Variants in BLK observed in about 807,000 individuals in gnomAD.
The protein encoded by BLK is tyrosine-protein kinase Blk.
In BLK, 64 loss-of-function variants were observed where a neutral mutation model predicts 61.8. The ratio of observed to expected loss-of-function variants is 1.03; its 90% CI spans 0.85 to 1.27. BLK has a LOEUF of 1.27. BLK is among the 50% of genes most tolerant of loss of function. The pLI is 0.00. For missense variants in BLK, 853 were observed against 660.5 expected, an observed-to-expected ratio of 1.29 and a Z score of -3.19; for synonymous variants, 351 against 272.0, an observed-to-expected ratio of 1.29 and a Z score of -2.86.
At chr8:11,522,306 C>G (rs1323361376) in intron 1 of BLK, among the ~76,000 whole-genome samples, 3 of 152,088 alleles carry the variant, frequency 2.0e-5, no homozygotes, top group Admixed American at 2.0e-4. Flanking sequence ...CAAATTAAAA[C>G]AAAAAGATTT....
intron 5 of BLK, chr8:11,549,942 A>G: frequency 1.7e-6 from 1 of 594,368 alleles, no homozygotes; most frequent in Non-Finnish European, 3.0e-6. Context: ...CTAGGAAAAC[A>G]GTGAGTCCAG....
At chr8:11,525,686 T>C (rs1372822869) in intron 1 of BLK, among the ~76,000 whole-genome samples, 1 of 152,228 alleles carries the variant, frequency 6.6e-6, no homozygotes, top group Non-Finnish European at 1.5e-5. Flanking sequence ...AAAGTTCGCC[T>C]TCCCTGCCAC....
chr8:11,532,945 C>T lies in BLK; in HGVS notation c.-1-10279C>T, dbSNP rs1799950070. On this transcript the variant is annotated intron_variant, in intron 1 of 12. Transcript: ENST00000259089. Reference sequence around the variant, plus strand: ...TGACTTACTGTACCTTCAGCAAGACCTTAAGCCTCAAGGAGCCTGAGTTTC... The same window carrying T: ...TGACTTACTGTACCTTCAGCAAGACTTTAAGCCTCAAGGAGCCTGAGTTTC... Among the ~76,000 whole-genome samples, 6 of 152,342 alleles carry T rather than the reference C, an allele frequency of 3.9e-5. 1 individual carries two copies. The South Asian group carries it at 1.2e-3, about 32-fold the overall frequency.
intron 1 of BLK, among the ~76,000 whole-genome samples, 181 bp from the exon 2 acceptor site, chr8:11,543,043 T>A (rs569560715): frequency 3.3e-5 from 5 of 152,288 alleles, no homozygotes; most frequent in Non-Finnish European, 7.4e-5. Flanking sequence ...CGAAAAAAGA[T>A]GGACACCCAT....
chr8:11,495,669 G>A (rs775013487), intron 1 of BLK, among the ~76,000 whole-genome samples: 18 of 152,152 alleles, frequency 1.2e-4, no homozygotes, highest in African/African-American at 3.9e-4. Context: ...CAGGCAAAGC[G>A]TCACAGATCA....
intron 1 of BLK, among the ~76,000 whole-genome samples, chr8:11,506,850 G>T (rs1231156555): frequency 6.6e-6 from 1 of 152,196 alleles, no homozygotes; most frequent in Non-Finnish European, 1.5e-5. Flanking sequence ...CTCTCAGGGA[G>T]GCCACTTGAG....
At chr8:11,549,927 T>C (rs760190870) in intron 5 of BLK, 34 of 564,304 alleles carry the variant, frequency 6.0e-5, no homozygotes, top group Non-Finnish European at 1.0e-4. Context: ...TGTTCTTGTT[T>C]CGTTCTAGGA....
intron 3 of BLK, among the ~76,000 whole-genome samples, chr8:11,546,304 C>G (rs776814302): frequency 4.6e-5 from 7 of 152,138 alleles, no homozygotes; most frequent in South Asian, 2.1e-4. Context: ...TATGCCTGAG[C>G]CTGGGTGGGA....
At chr8:11,563,219 C>A in intron 12 of BLK, 109 bp downstream of exon 12, 2 of 1,507,180 alleles carry the variant, frequency 1.3e-6, no homozygotes, top group Non-Finnish European at 9.0e-7. Context: ...CAGAGTGAGT[C>A]CCAGAGCGAA....
At chr8:11,518,928 C>G (rs141471303) in intron 1 of BLK, among the ~76,000 whole-genome samples, 7 of 152,154 alleles carry the variant, frequency 4.6e-5, no homozygotes, top group African/African-American at 1.7e-4. Context: ...CTCCAGCATA[C>G]GTCGCACTTT....
At chr8:11,555,208 C>A in intron 7 of BLK, 124 bp from the exon 8 acceptor site, 1 of 1,308,488 alleles carries the variant, frequency 7.6e-7, no homozygotes, top group Non-Finnish European at 1.1e-6. Context: ...CAGGCGTGTG[C>A]ACACACCCAT....
rs140714954 is a variant in BLK at position 11,556,829 on chromosome 8, T to C, written c.944T>C (p.Met315Thr). The C allele has an allele frequency of 6.2e-7, 1 of 1,613,910 alleles. No homozygotes were observed. The highest frequency in any genetic ancestry group is 1.3e-5 in the African/African-American group (1 of 75,016). Residue 315 changes from methionine (M) to threonine (T), a missense_variant, in exon 9 of 13, where the codon ATG becomes ACG. Physicochemically the swap from Met to Thr is moderately conservative, Grantham distance 81. Coordinates refer to ENST00000259089, the MANE Select transcript of BLK (RefSeq NM_001715.3). ...KEPIYIVTEY[M>T]ARGCLLDFLK... The stretch of plus-strand genomic sequence containing the variant: ...CCCATCTACATTGTCACCGAGTACA[T>C]GGCCAGAGGTGGTGCCCCCCGCAGA...
In BLK at chr8:11,494,522, G is replaced by A. The variant is rs1288338381; in HGVS notation, c.-71G>A. ...GTTGGAAGTTGCTCGTTGTCGCTAG[G>A]AGCCTGCTCCACTGTAAGGGTGTCA... On this transcript the variant is annotated 5_prime_UTR_variant, in exon 1 of 13. Coordinates refer to ENST00000259089, the MANE Select transcript of BLK (RefSeq NM_001715.3). The A allele has an allele frequency of 6.6e-6, 1 of 152,230 alleles. No individual in the cohort carries two copies. The highest frequency in any genetic ancestry group is 1.5e-5 in the Non-Finnish European group (1 of 68,056). The allele number at this position is 152,230 out of a possible 1,614,324, so 9.4% of individuals were successfully genotyped here.
chr8:11,554,987 G>C (rs973597185), intron 7 of BLK, 98 bp downstream of exon 7: 4 of 1,518,478 alleles, frequency 2.6e-6, no homozygotes, highest in Non-Finnish European at 2.7e-6. Context: ...TGCCACCTTG[G>C]GGGATGGAAA....
At chr8:11,541,474 G>A (rs991760503) in intron 1 of BLK, among the ~76,000 whole-genome samples, 7 of 150,692 alleles carry the variant, frequency 4.6e-5, no homozygotes, top group African/African-American at 1.7e-4. Flanking sequence ...GTAGCCAGCC[G>A]CAATACAAAC....
Position 11,524,392 on chromosome 8 carries a change from T to C in BLK, c.-1-18832T>C, listed in dbSNP as rs1799568426. 1.3e-5 allele frequency among the ~76,000 whole-genome samples: 2 copies of C among 152,222 alleles called. 1 individual carries two copies. The highest frequency in any genetic ancestry group is 3.8e-4 in the East Asian group (2 of 5,206). ...CGTAGATGAGAATTTTCTAATTTTC[T>C]ACATGTGCAGTACTTGCTTAATAAA... On this transcript the variant is annotated intron_variant, in intron 1 of 12. Coordinates refer to ENST00000259089, the MANE Select transcript of BLK (RefSeq NM_001715.3).
chr8:11,526,578 G>C (rs1003241103), intron 1 of BLK, among the ~76,000 whole-genome samples: 1 of 152,160 alleles, frequency 6.6e-6, no homozygotes, highest in Non-Finnish European at 1.5e-5. Context: ...AATTAGCTGG[G>C]CGTTGTGGCA....
At chr8:11,514,013 T>C (rs1799126294) in intron 1 of BLK, among the ~76,000 whole-genome samples, 1 of 152,226 alleles carries the variant, frequency 6.6e-6, no homozygotes, top group Non-Finnish European at 1.5e-5. Flanking sequence ...CTGTGGTGTT[T>C]TATGACATTG....
intron 1 of BLK, among the ~76,000 whole-genome samples, chr8:11,503,040 C>G (rs1031888117): frequency 6.6e-6 from 1 of 152,222 alleles, no homozygotes; most frequent in Non-Finnish European, 1.5e-5. Flanking sequence ...CTTCTCATCT[C>G]TACTCTCTGC....
Sources: allele counts gnomAD v4.1 joint callset (sites outside exome capture counted in the v4.1 genomes callset), GRCh38; gene constraint gnomAD v4.1.1; transcripts MANE v1.5; gene names NCBI Gene and HGNC (gene_info 2026-07-23, HGNC 2026-07-21).